CD33: variants seen among roughly 807,000 people sequenced by gnomAD.
CD33 encodes myeloid cell surface antigen CD33.
CD33 carries 25 observed loss-of-function variants against 31.4 expected under a neutral mutation model. That is an observed-to-expected ratio of 0.80 (90% CI 0.58 to 1.11). The LOEUF (loss-of-function observed/expected upper bound fraction) is 1.11, where lower values mean the gene tolerates loss of function less well. Ranked by LOEUF, CD33 falls within the 50% of genes most tolerant of loss-of-function variation. The probability of loss-of-function intolerance (pLI) is 0.00; values close to 1 mark genes in which losing one functional copy is unlikely to be tolerated. For synonymous variants in CD33, 176 were observed against 180.6 expected, an observed-to-expected ratio of 0.97 and a Z score of 0.20; for missense variants, 407 against 448.1, an observed-to-expected ratio of 0.91 and a Z score of 0.83.
At chr19:51,226,675 G>A (rs575254725) in intron 4 of CD33, among the ~76,000 whole-genome samples, 5 of 152,110 alleles carry the variant, frequency 3.3e-5, no homozygotes, top group Non-Finnish European at 7.4e-5. Flanking sequence ...TCAGATCAGG[G>A]TAATAGCATA....
Position 51,225,240 on chromosome 19 carries a change from T to C in CD33, c.60T>C (p.Asn20=). The C allele has an allele frequency of 1.2e-6, 2 of 1,613,370 alleles. No individual in the cohort carries two copies. The highest frequency in any genetic ancestry group is 1.7e-6 in the Non-Finnish European group (2 of 1,179,400). ...LWAGALAMDP[N]FWLQVQESVT... ...CAGGGGCCCTGGCTATGGATCCAAA[T>C]TTCTGGCTGCAAGTGCAGGAGTCAG... Residue 20 remains asparagine, a synonymous_variant, in exon 2 of 7, where the codon AAT becomes AAC. Coordinates refer to ENST00000262262, the MANE Select transcript of CD33 (RefSeq NM_001772.4).
chr19:51,230,169 T>G (rs550054714), intron 4 of CD33, among the ~76,000 whole-genome samples: 5 of 42 alleles, frequency 0.12, no homozygotes, highest in African/African-American at 0.28. Context: ...TGTATTTGTA[T>G]AGTTTGCATG....
the CD33 span, chr19:51,212,084 C>A: frequency 1.4e-6 from 1 of 712,358 alleles, no homozygotes; most frequent in Non-Finnish European, 2.4e-6. Flanking sequence ...AGTGCTGGGC[C>A]AGGACGCCTG....
At chr19:51,231,067 A>G (rs1981372250) in intron 4 of CD33, among the ~76,000 whole-genome samples, 1 of 152,240 alleles carries the variant, frequency 6.6e-6, no homozygotes, top group South Asian at 2.1e-4. Flanking sequence ...TCCCAGGATC[A>G]TAAATTGATT....
rs3959247 is a variant in CD33, at chr19:51,225,160, G to A, written c.37+5G>A. ...TGCTGCCCCTGCTGTGGGCAGGTGA[G>A]TGGCTGTGGGGAGAGGGGTTGTCGG... On this transcript the variant is annotated splice_donor_5th_base_variant and intron_variant, in intron 1 of 6. Transcript: ENST00000262262. 1.7e-5 allele frequency: 28 copies of A among 1,613,806 alleles called. No homozygotes were observed. Among genetic ancestry groups the A allele is most frequent in the East Asian group, 2.2e-5 (1 of 44,900 alleles).
At chr19:51,226,117 G>T (rs775145487) in intron 3 of CD33, 36 bp downstream of exon 3, 3 of 1,605,032 alleles carry the variant, frequency 1.9e-6, no homozygotes, top group East Asian at 2.2e-5. Context: ...GTCCCTGAGG[G>T]TGTAGGGGAG....
At chr19:51,215,105 T>A in the CD33 span, among the ~76,000 whole-genome samples, 1 of 152,188 alleles carries the variant, frequency 6.6e-6, no homozygotes, top group Non-Finnish European at 1.5e-5. Context: ...CTTCTCTGCC[T>A]CTGCCTCACC....
the CD33 span, among the ~76,000 whole-genome samples, chr19:51,217,514 A>G: frequency 6.6e-6 from 1 of 151,086 alleles, no homozygotes; most frequent in African/African-American, 2.4e-5. Context: ...GGTTCAAGCT[A>G]TTCTCCTGCC....
At chr19:51,216,213 A>G in the CD33 span, among the ~76,000 whole-genome samples, 1 of 133,864 alleles carries the variant, frequency 7.5e-6, no homozygotes, top group East Asian at 2.1e-4. Context: ...TCAGTCTTAA[A>G]TGTCACCCGA....
chr19:51,212,061 A>G, the CD33 span: 139 of 780,314 alleles, frequency 1.8e-4, 2 homozygotes, highest in East Asian at 4.9e-3. Context: ...CATCCAACTC[A>G]GTGTCTCCTG....
At chr19:51,230,013 G>A (rs997937107) in intron 4 of CD33, among the ~76,000 whole-genome samples, 2 of 151,852 alleles carry the variant, frequency 1.3e-5, no homozygotes, top group Admixed American at 6.6e-5. Context: ...TTTCTCTCAA[G>A]TTGTCTCTTA....
chr19:51,233,737 G>T (rs764541001), intron 4 of CD33, among the ~76,000 whole-genome samples: 1 of 152,216 alleles, frequency 6.6e-6, no homozygotes, highest in African/African-American at 2.4e-5. Context: ...ACTGGAGGTT[G>T]GTTGGATTCC....
At chr19:51,230,414 G>GT (rs1256721980) in intron 4 of CD33, among the ~76,000 whole-genome samples, 2 of 152,164 alleles carry the variant, frequency 1.3e-5, no homozygotes, top group Admixed American at 1.3e-4. Flanking sequence ...ACGTTTATTT[G>GT]TTAATCTTGT....
Position 51,235,258 on chromosome 19 carries a change from G to A in CD33, c.842+5G>A. 6.2e-7 allele frequency: 1 copy of A among 1,613,216 alleles called. No individual in the cohort carries two copies. The highest frequency in any genetic ancestry group is 8.5e-7 in the Non-Finnish European group (1 of 1,179,194). ...TCTCTGCCTCATCTTCTTCATGTGA[G>A]CATTTTCTCTGGGTCAGGCATGGGC... On this transcript the variant is annotated splice_donor_5th_base_variant and intron_variant, in intron 5 of 6. Transcript: ENST00000262262.
chr19:51,216,641 G>A, the CD33 span, among the ~76,000 whole-genome samples: 1 of 150,490 alleles, frequency 6.6e-6, no homozygotes, highest in Admixed American at 6.6e-5. Flanking sequence ...CTGGGAGGCA[G>A]AGGTTGCAGT....
chr19:51,239,430 G>A (rs1982017165), intron 6 of CD33, 88 bp from the exon 7 acceptor site: 7 of 958,962 alleles, frequency 7.3e-6, no homozygotes, highest in South Asian at 5.9e-5. Context: ...TTCTGTCAGA[G>A]TCAAATTTAC....
the CD33 span, among the ~76,000 whole-genome samples, chr19:51,216,223 AGTGT>A: frequency 0.011 from 1,391 of 128,388 alleles, 16 homozygotes; most frequent in East Asian, 0.048. Flanking sequence ...ATGTCACCCG[AGTGT>A]GTGTGTGTGT....
upstream of CD33, among the ~76,000 whole-genome samples, chr19:51,222,489 A>G (rs1431353415): frequency 6.6e-6 from 1 of 152,242 alleles, no homozygotes; most frequent in African/African-American, 2.4e-5. Flanking sequence ...TCAATAGGTG[A>G]GAAATAAAAC....
At chr19:51,221,870 T>A (rs1281180622), upstream of CD33, among the ~76,000 whole-genome samples, 1 of 152,178 alleles carries the variant, frequency 6.6e-6, no homozygotes, top group African/African-American at 2.4e-5. Flanking sequence ...TGATTGAACC[T>A]CAGAGGCACT....
Sources: allele counts gnomAD v4.1 joint callset (sites outside exome capture counted in the v4.1 genomes callset), GRCh38; gene constraint gnomAD v4.1.1; transcripts MANE v1.5; gene names NCBI Gene and HGNC (gene_info 2026-07-23, HGNC 2026-07-21).